RSPO2: variants seen among roughly 807,000 people sequenced by gnomAD.
The protein encoded by RSPO2 is R-spondin-2.
RSPO2 carries 14 observed loss-of-function variants against 30.9 expected under a neutral mutation model. The observed-to-expected ratio is 0.45, with a 90% CI of 0.30 to 0.71. RSPO2 has a LOEUF of 0.71. Ranked by LOEUF, RSPO2 falls within the 30% of genes least tolerant of loss-of-function variation. The pLI is 0.08. For synonymous variants in RSPO2, 107 were observed against 96.4 expected (o/e 1.11, Z -0.64); for missense variants, 264 against 301.9 (o/e 0.87, Z 0.93).
rs147299121 is a variant in RSPO2 at position 108,029,334 on chromosome 8, C to T, written c.95-40090G>A. On this transcript the variant is annotated intron_variant, in intron 2 of 5. Transcript: ENST00000276659. ...TGGCCCTTTACAAAGTGATCCAACC[C>T]CCTTCTAAGGATTGCTGCAAGGATT... 4.5e-3 allele frequency among the ~76,000 whole-genome samples: 689 copies of T among 152,026 alleles called. 4 individuals carry two copies. Among genetic ancestry groups the T allele is most frequent in the Admixed American group, 7.8e-3 (119 of 15,248 alleles).
At chr8:107,935,857 A>AC (rs920406115) in intron 5 of RSPO2, among the ~76,000 whole-genome samples, 1 of 152,170 alleles carries the variant, frequency 6.6e-6, no homozygotes, top group Non-Finnish European at 1.5e-5. Context: ...ATCTATGGGT[A>AC]CATCTGAATA....
At chr8:108,012,094 T>A (rs1201357940) in intron 2 of RSPO2, among the ~76,000 whole-genome samples, 2 of 152,202 alleles carry the variant, frequency 1.3e-5, no homozygotes, top group Non-Finnish European at 2.9e-5. Flanking sequence ...TCCAAATAAC[T>A]ATAGTATTTG....
intron 3 of RSPO2, among the ~76,000 whole-genome samples, chr8:107,964,759 A>G (rs1813742893): frequency 1.3e-5 from 2 of 152,166 alleles, no homozygotes; most frequent in African/African-American, 4.8e-5. Context: ...CCCAGCTTGT[A>G]GCCATTTTCC....
At chr8:108,075,553 A>C (rs1812984810) in intron 2 of RSPO2, among the ~76,000 whole-genome samples, 1 of 152,104 alleles carries the variant, frequency 6.6e-6, no homozygotes, top group African/African-American at 2.4e-5. Flanking sequence ...TGTCACTTGG[A>C]ATACTCAATC....
At position 108,082,447 on chromosome 8, in the gene RSPO2, G is replaced by C; in HGVS notation, c.94+98C>G. 3.4e-6 allele frequency: 3 copies of C among 886,478 alleles called. No homozygotes were observed. The South Asian group carries it at 4.4e-5, about 13-fold the overall frequency. The allele number at this position is 886,478 out of a possible 1,614,324, so 54.9% of individuals were successfully genotyped here. ...CGCAAAAGCTGGGGTGGAGAGCACA[G>C]CCCTGACCATCTGAGCCCCCGGAGC... is the stretch of plus-strand genomic sequence containing the variant. On this transcript the variant is annotated intron_variant, in intron 2 of 5. Transcript: ENST00000276659.
chr8:108,057,398 A>G (rs897108323), intron 2 of RSPO2, among the ~76,000 whole-genome samples: 2 of 152,086 alleles, frequency 1.3e-5, no homozygotes, highest in Admixed American at 1.3e-4. Flanking sequence ...GTTGTTCTCT[A>G]TTTTTCAAAT....
chr8:107,961,632 C>T (rs1273745311), intron 3 of RSPO2, among the ~76,000 whole-genome samples: 1 of 152,130 alleles, frequency 6.6e-6, no homozygotes, highest in Non-Finnish European at 1.5e-5. Context: ...AAGCTCTGCC[C>T]TTACCAGCTC....
At chr8:107,964,474 C>T (rs1813732695) in intron 3 of RSPO2, among the ~76,000 whole-genome samples, 1 of 152,088 alleles carries the variant, frequency 6.6e-6, no homozygotes, top group African/African-American at 2.4e-5. Flanking sequence ...AAAGTCCCGA[C>T]CTCAGGTGAT....
chr8:108,082,765 G>T lies in RSPO2; in HGVS notation c.-127C>A. The stretch of plus-strand genomic sequence containing the variant: ...GAGACTCGCCACTCACCCCCGGGCC[G>T]CACCGGTCAGTTCAGCGCGATCAGC... On this transcript the variant is annotated 5_prime_UTR_variant, in exon 2 of 6. Transcript: ENST00000276659. The T allele has an allele frequency of 1.4e-6, 1 of 698,246 alleles. No individual in the cohort carries two copies. The highest frequency in any genetic ancestry group is 2.5e-6 in the Non-Finnish European group (1 of 407,914). The allele number at this position is 698,246 out of a possible 1,614,324, so 43.3% of individuals were successfully genotyped here.
intron 2 of RSPO2, among the ~76,000 whole-genome samples, chr8:108,008,795 A>AAAT (rs1810591500): frequency 6.6e-6 from 1 of 150,532 alleles, no homozygotes; most frequent in African/African-American, 2.5e-5. Flanking sequence ...TGCAAAAAAA[A>AAAT]AAAAATAAAG....
At chr8:107,983,068 C>T in intron 3 of RSPO2, 1 of 1,280,430 alleles carries the variant, frequency 7.8e-7, no homozygotes, top group Non-Finnish European at 1.1e-6. Flanking sequence ...CTCCATGTTC[C>T]CTGGCACCAC....
At chr8:108,077,046 CTGGCCATTAAG>C (rs1813036778) in intron 2 of RSPO2, among the ~76,000 whole-genome samples, 1 of 152,174 alleles carries the variant, frequency 6.6e-6, no homozygotes, top group Non-Finnish European at 1.5e-5. Context: ...GGGAGTATGA[CTGGCCATTAAG>C]AAACCCCTTT....
chr8:108,043,584 GA>G (rs1227287769), intron 2 of RSPO2, among the ~76,000 whole-genome samples: 3 of 133,032 alleles, frequency 2.3e-5, no homozygotes, highest in African/African-American at 6.2e-5. Flanking sequence ...TACTTTGGGG[GA>G]AAAAAGTATC....
intron 5 of RSPO2, 47 bp downstream of exon 5, chr8:107,958,033 A>T: frequency 1.0e-6 from 1 of 999,772 alleles, no homozygotes; most frequent in Non-Finnish European, 1.4e-6. Flanking sequence ...GAAGCGGGAG[A>T]ATTCAGGAAG....
At position 108,052,288 on chromosome 8, in the gene RSPO2, A is replaced by G. The variant is rs573573114; in HGVS notation, c.94+30257T>C. On this transcript the variant is annotated intron_variant, in intron 2 of 5. Transcript: ENST00000276659. ...ACATTTTCTATTCTTCACCAGAAGC[A>G]GCCAGTTTAAAAGTAAAAGCTCGTT... Among the ~76,000 whole-genome samples, 60 of 152,342 alleles carry G rather than the reference A, an allele frequency of 3.9e-4. No homozygotes were observed. In the South Asian group the frequency reaches 0.012, roughly 32 times the overall value.
At chr8:107,908,387 A>ATCTCTTCTT in intron 5 of RSPO2, among the ~76,000 whole-genome samples, 1 of 152,342 alleles carries the variant, frequency 6.6e-6, no homozygotes, top group East Asian at 1.9e-4. Context: ...AAGAAGAGAT[A>ATCTCTTCTT]GTTTTAAAAC....
intron 2 of RSPO2, among the ~76,000 whole-genome samples, chr8:108,059,937 G>A (rs1019949963): frequency 6.6e-6 from 1 of 150,812 alleles, no homozygotes; most frequent in African/African-American, 2.5e-5. Flanking sequence ...CACCAGCATG[G>A]CACATGTATA....
intron 2 of RSPO2, among the ~76,000 whole-genome samples, chr8:108,008,797 A>G (rs963617012): frequency 6.6e-6 from 1 of 151,390 alleles, no homozygotes; most frequent in African/African-American, 2.4e-5. Flanking sequence ...CAAAAAAAAA[A>G]AAATAAAGAA....
At chr8:107,902,087 C>A (rs776337254) in intron 5 of RSPO2, among the ~76,000 whole-genome samples, 2 of 152,144 alleles carry the variant, frequency 1.3e-5, no homozygotes, top group Non-Finnish European at 2.9e-5. Flanking sequence ...GAATAAAGAA[C>A]ATGAGACATC....
Sources: allele counts gnomAD v4.1 joint callset (sites outside exome capture counted in the v4.1 genomes callset), GRCh38; gene constraint gnomAD v4.1.1; transcripts MANE v1.5; gene names NCBI Gene and HGNC (gene_info 2026-07-23, HGNC 2026-07-21).